Variants in FGF12 observed in about 807,000 individuals in gnomAD.
The protein encoded by FGF12 is fibroblast growth factor 12B.
A neutral mutation model predicts 23.6 loss-of-function variants in FGF12; 14 were observed. The ratio of observed to expected loss-of-function variants is 0.59; its 90% CI spans 0.39 to 0.93. FGF12 has a LOEUF of 0.93. FGF12 is among the 40% of genes least tolerant of loss of function. The pLI is 0.00. For synonymous variants in FGF12, 62 were observed against 77.3 expected, an observed-to-expected ratio of 0.80 and a Z score of 1.04; for missense variants, 175 against 217.8, an observed-to-expected ratio of 0.80 and a Z score of 1.24.
intron 2 of FGF12, among the ~76,000 whole-genome samples, chr3:192,659,395 T>G (rs1716567505): frequency 6.6e-6 from 1 of 152,098 alleles, no homozygotes; most frequent in African/African-American, 2.4e-5. Flanking sequence ...TGTGGCCTCA[T>G]CCCCAGCTGA....
intron 2 of FGF12, among the ~76,000 whole-genome samples, chr3:192,387,938 A>G (rs1384487977): frequency 6.6e-6 from 1 of 152,148 alleles, no homozygotes; most frequent in Non-Finnish European, 1.5e-5. Context: ...AAGTTTGATT[A>G]TAGCCACTCT....
chr3:192,507,386 A>G (rs1177904555), intron 2 of FGF12, among the ~76,000 whole-genome samples: 4 of 142,860 alleles, frequency 2.8e-5, no homozygotes, highest in South Asian at 2.3e-4. Context: ...CACACATACA[A>G]GCACACAGAC....
chr3:192,639,461 C>T (rs1325006533), intron 2 of FGF12, among the ~76,000 whole-genome samples: 3 of 152,214 alleles, frequency 2.0e-5, no homozygotes, highest in Admixed American at 2.0e-4. Context: ...GCATACGCCC[C>T]CAAAAATGAA....
chr3:192,518,143 C>A (rs933554111), intron 2 of FGF12, among the ~76,000 whole-genome samples: 2 of 151,806 alleles, frequency 1.3e-5, no homozygotes, highest in South Asian at 2.1e-4. Flanking sequence ...GTTTTAATAC[C>A]CAAATTTTAA....
intron 4 of FGF12, among the ~76,000 whole-genome samples, chr3:192,233,096 A>T (rs961643397): frequency 6.6e-6 from 1 of 152,150 alleles, no homozygotes; most frequent in African/African-American, 2.4e-5. Flanking sequence ...GTTCAATGAT[A>T]GCTCTGGTTT....
chr3:192,543,127 G>A (rs141877022), intron 2 of FGF12, among the ~76,000 whole-genome samples: 5 of 132,230 alleles, frequency 3.8e-5, no homozygotes, highest in Middle Eastern at 3.6e-3. Flanking sequence ...CACGTCTAGC[G>A]ATGTTTTTCA....
At chr3:192,518,536 G>A (rs972202198) in intron 2 of FGF12, among the ~76,000 whole-genome samples, 3 of 152,140 alleles carry the variant, frequency 2.0e-5, no homozygotes, top group African/African-American at 7.2e-5. Context: ...GTTTGGAAGA[G>A]AATGTTGAAT....
rs553092219 is a variant in FGF12 at position 192,599,407 on chromosome 3, C to T, written c.13+127774G>A. Among the ~76,000 whole-genome samples the T allele has an allele frequency of 1.7e-4, 26 of 151,926 alleles. No individual in the cohort carries two copies. In the South Asian group the frequency reaches 2.9e-3, roughly 17 times the overall value. ...TCATTTTTGTACCTAAAAAATATCT[C>T]GACTACTTATATACTACCTATATTA... is the stretch of plus-strand genomic sequence containing the variant. On this transcript the variant is annotated intron_variant, in intron 2 of 5. Transcript: ENST00000445105.
intron 2 of FGF12, among the ~76,000 whole-genome samples, chr3:192,630,746 G>A (rs1715359200): frequency 6.6e-6 from 1 of 150,816 alleles, no homozygotes; most frequent in African/African-American, 2.4e-5. Flanking sequence ...TTTTAGTAGA[G>A]ACGGGGTTTC....
At chr3:192,439,398 T>C (rs989377212) in intron 2 of FGF12, among the ~76,000 whole-genome samples, 1 of 152,216 alleles carries the variant, frequency 6.6e-6, no homozygotes, top group African/African-American at 2.4e-5. Context: ...TTTCTCCATG[T>C]AATGCAACTC....
intron 4 of FGF12, among the ~76,000 whole-genome samples, chr3:192,308,553 G>C (rs9849033): frequency 0.021 from 3,254 of 151,848 alleles, 115 homozygotes; most frequent in African/African-American, 0.074. Context: ...GGTGGCGTGT[G>C]CCTCTAATCG....
intron 2 of FGF12, among the ~76,000 whole-genome samples, chr3:192,716,297 T>C (rs899720062): frequency 6.6e-6 from 1 of 152,200 alleles, no homozygotes. Context: ...CAATGCAATG[T>C]TTCCTGGACC....
intron 2 of FGF12, among the ~76,000 whole-genome samples, chr3:192,457,904 C>T (rs1216765383): frequency 6.6e-6 from 1 of 152,152 alleles, no homozygotes; most frequent in East Asian, 1.9e-4. Context: ...TGGGCTGGGC[C>T]CAGGGTCCCT....
intron 2 of FGF12, among the ~76,000 whole-genome samples, chr3:192,392,616 G>A (rs1422920277): frequency 8.5e-6 from 1 of 117,586 alleles, no homozygotes; most frequent in East Asian, 3.0e-4. Flanking sequence ...GAGAGAGAGA[G>A]AGAGAGAGAG....
At chr3:192,628,863 C>T (rs1335558379) in intron 2 of FGF12, among the ~76,000 whole-genome samples, 4 of 151,600 alleles carry the variant, frequency 2.6e-5, no homozygotes, top group South Asian at 2.1e-4. Context: ...CTATCGGTTC[C>T]GTTTCTCTGG....
intron 2 of FGF12, among the ~76,000 whole-genome samples, chr3:192,505,964 A>T (rs1330286078): frequency 6.6e-6 from 1 of 152,228 alleles, no homozygotes; most frequent in African/African-American, 2.4e-5. Flanking sequence ...TCATGAAAGT[A>T]GTTCTGATGC....
Position 192,154,036 on chromosome 3 carries a change from A to C in FGF12, c.428-9909T>G, listed in dbSNP as rs1292556942. Among the ~76,000 whole-genome samples, 13 of 96,264 alleles carry C rather than the reference A, an allele frequency of 1.4e-4. 2 individuals carry two copies. The highest frequency in any genetic ancestry group is 4.0e-4 in the African/African-American group (10 of 24,998). 63.2% of individuals were successfully genotyped at this position (96,264 alleles called of 152,430 possible). A position where few individuals can be genotyped will look rare whatever the true frequency, so the allele number is the denominator to read the frequency against. On this transcript the variant is annotated intron_variant, in intron 5 of 5. Transcript: ENST00000445105. ...TTTCTTTTTATTCTTTTTTCTCTAA[A>C]CTTCCCTTCTCGCTTCATTTCATTC...
At position 192,489,037 on chromosome 3, in the gene FGF12, C is replaced by T. The variant is rs148026754; in HGVS notation, c.14-128499G>A. On this transcript the variant is annotated intron_variant, in intron 2 of 5. Transcript: ENST00000445105. Reference sequence around the variant, plus strand: ...CATAGAAATCTCTTTACACCACTGCCTGTAATTGCAGCATCTCACAATGCT... The same window carrying T: ...CATAGAAATCTCTTTACACCACTGCTTGTAATTGCAGCATCTCACAATGCT... Among the ~76,000 whole-genome samples, 274 of 152,112 alleles carry T rather than the reference C, an allele frequency of 1.8e-3. 1 individual carries two copies. Among genetic ancestry groups the T allele is most frequent in the African/African-American group, 6.0e-3 (251 of 41,516 alleles).
chr3:192,627,852 ATG>A (rs138709721), intron 2 of FGF12, among the ~76,000 whole-genome samples: 3,252 of 147,048 alleles, frequency 0.022, 82 homozygotes, highest in African/African-American at 0.063. Context: ...GTGTGTGTGC[ATG>A]TGTGTGTGTG....
Sources: gnomAD v4.1 joint callset for allele counts (sites outside exome capture counted in the v4.1 genomes callset) on GRCh38, gnomAD v4.1.1 for gene constraint, MANE v1.5 for transcripts, NCBI Gene and HGNC (gene_info 2026-07-23, HGNC 2026-07-21) for gene names.